Variants in CACNA1D observed in about 807,000 individuals in gnomAD.
The protein encoded by CACNA1D is voltage-dependent L-type calcium channel subunit alpha-1D.
In CACNA1D, 55 loss-of-function variants were observed where a neutral mutation model predicts 257.1. That is an observed-to-expected ratio of 0.21 (90% CI 0.17 to 0.27). CACNA1D has a LOEUF of 0.27. Among genes scored for constraint, CACNA1D ranks in the 10% least tolerant of loss-of-function variants. The pLI is 1.00. For missense variants in CACNA1D, 1,876 were observed against 2,784.0 expected (o/e 0.67, Z 7.34); for synonymous variants, 980 against 1,014.9 (o/e 0.97, Z 0.65).
chr3:53,651,037 T>G, intron 4 of CACNA1D, 119 bp downstream of exon 4: 4 of 888,692 alleles, frequency 4.5e-6, no homozygotes, highest in Middle Eastern at 2.2e-4. Context: ...ATGCCAGCTG[T>G]TGCACCAGAA....
intron 3 of CACNA1D, among the ~76,000 whole-genome samples, chr3:53,563,628 A>T (rs1409496590): frequency 6.6e-6 from 1 of 151,566 alleles, no homozygotes; most frequent in Non-Finnish European, 1.5e-5. Flanking sequence ...TTAATTTTGC[A>T]TATTTTTGAA....
At chr3:53,563,041 T>G (rs968589524) in intron 3 of CACNA1D, among the ~76,000 whole-genome samples, 1 of 152,146 alleles carries the variant, frequency 6.6e-6, no homozygotes, top group Non-Finnish European at 1.5e-5. Flanking sequence ...GAAATAATCT[T>G]TTTGTTTTGT....
chr3:53,664,926 G>A (rs76823338), intron 5 of CACNA1D, among the ~76,000 whole-genome samples: 9 of 152,262 alleles, frequency 5.9e-5, no homozygotes, highest in East Asian at 1.9e-4. Flanking sequence ...AGTTGTTGTC[G>A]GTCAGCAGCT....
intron 40 of CACNA1D, chr3:53,791,140 A>G: frequency 1.5e-6 from 1 of 678,512 alleles, no homozygotes; most frequent in East Asian, 2.7e-5. Flanking sequence ...AAGCAGACCC[A>G]AGGCCCCAGG....
chr3:53,771,128 A>G (rs925478974), intron 32 of CACNA1D, among the ~76,000 whole-genome samples: 4 of 152,070 alleles, frequency 2.6e-5, no homozygotes, highest in African/African-American at 9.7e-5. Context: ...CCCAAGTAGA[A>G]CCAGCTTTTC....
chr3:53,643,623 G>A (rs2093987140), intron 3 of CACNA1D, among the ~76,000 whole-genome samples: 1 of 152,196 alleles, frequency 6.6e-6, no homozygotes, highest in African/African-American at 2.4e-5. Flanking sequence ...TTGCTCACCA[G>A]GTCATAGACA....
chr3:53,751,940 C>G lies in CACNA1D; in HGVS notation c.3675+33C>G, dbSNP rs758105060. The stretch of plus-strand genomic sequence containing the variant: ...TGGAGACAGCCGTGGGGATCAGGTC[C>G]GGGCATTCCGCACAGCCCCGTGCCC... On this transcript the variant is annotated intron_variant, in intron 28 of 47. Transcript: ENST00000350061. The surrounding 1 kb of genome is among the most constrained non-coding windows in gnomAD (Gnocchi z 4.3). 1.9e-6 allele frequency: 3 copies of G among 1,608,896 alleles called. No individual in the cohort carries two copies. In the South Asian group the frequency reaches 3.3e-5, roughly 18 times the overall value.
intron 3 of CACNA1D, among the ~76,000 whole-genome samples, chr3:53,563,017 A>G (rs956808262): frequency 6.6e-5 from 10 of 152,222 alleles, no homozygotes; most frequent in African/African-American, 2.4e-4. Context: ...ATTTGCCTAT[A>G]TTTAAAGATG....
intron 3 of CACNA1D, among the ~76,000 whole-genome samples, chr3:53,625,578 C>T (rs1418688716): frequency 6.6e-6 from 1 of 152,096 alleles, no homozygotes; most frequent in East Asian, 1.9e-4. Context: ...TCTGTACCAC[C>T]CTACAAGCAT....
chr3:53,649,820 G>A (rs1040952441), intron 3 of CACNA1D, among the ~76,000 whole-genome samples: 3 of 152,218 alleles, frequency 2.0e-5, no homozygotes, highest in African/African-American at 7.2e-5. Context: ...GCCGAGGAAT[G>A]CCTCTTGCAA....
At chr3:53,674,698 G>A (rs1003247926) in intron 8 of CACNA1D, among the ~76,000 whole-genome samples, 16 of 152,222 alleles carry the variant, frequency 1.1e-4, no homozygotes, top group African/African-American at 3.9e-4. Flanking sequence ...GGGTGCTACA[G>A]AGAAGGGAGC....
In CACNA1D at chr3:53,796,216, A is replaced by C. The variant is rs544728252; in HGVS notation, c.4924-4033A>C. 3.0e-3 allele frequency: 1,171 copies of C among 394,426 alleles called. 14 individuals are homozygous for C. Among genetic ancestry groups the C allele is most frequent in the South Asian group, 0.02 (1,132 of 55,336 alleles). The allele number at this position is 394,426 out of a possible 1,614,324, so 24.4% of individuals were successfully genotyped here. A position where few individuals can be genotyped will look rare whatever the true frequency, so the allele number is the denominator to read the frequency against. ...GCTAAAGGGTTAACCAGAACTTGTC[A>C]CCAGCGAGACGACTGTGTGCAGGGC... is the stretch of plus-strand genomic sequence containing the variant. On this transcript the variant is annotated intron_variant, in intron 40 of 47. Coordinates refer to ENST00000350061, the MANE Select transcript of CACNA1D (RefSeq NM_001128840.3).
chr3:53,762,471 C>T (rs1310954795), intron 30 of CACNA1D: 2 of 445,314 alleles, frequency 4.5e-6, no homozygotes, highest in Non-Finnish European at 9.0e-6. Flanking sequence ...GAATGTTCCC[C>T]TTTTGTAACA....
intron 40 of CACNA1D, chr3:53,792,453 A>G (rs1482005857): frequency 1.3e-5 from 2 of 152,264 alleles, no homozygotes; most frequent in African/African-American, 4.8e-5. Flanking sequence ...TGAAGTGTAT[A>G]GAGAAAAGAA....
intron 3 of CACNA1D, among the ~76,000 whole-genome samples, chr3:53,503,585 G>A (rs375661677): frequency 6.6e-6 from 1 of 152,204 alleles, no homozygotes; most frequent in South Asian, 2.1e-4. Flanking sequence ...GCATGTGTAA[G>A]CCAATTAATA....
intron 3 of CACNA1D, among the ~76,000 whole-genome samples, chr3:53,606,661 C>T (rs2093514830): frequency 6.6e-6 from 1 of 152,124 alleles, no homozygotes; most frequent in Non-Finnish European, 1.5e-5. Context: ...GGATAGTTAC[C>T]CACTTTATTG....
chr3:53,559,930 C>T (rs1001278869), intron 3 of CACNA1D, among the ~76,000 whole-genome samples: 2 of 149,718 alleles, frequency 1.3e-5, no homozygotes, highest in Non-Finnish European at 3.0e-5. Context: ...ATTCTTCTTT[C>T]TCAGAGTTTT....
intron 1 of CACNA1D, among the ~76,000 whole-genome samples, chr3:53,496,363 G>A (rs2090345833): frequency 1.3e-5 from 2 of 152,216 alleles, no homozygotes; most frequent in Non-Finnish European, 1.5e-5. Context: ...AGGCCTGGAG[G>A]CCCCTGGCAT....
intron 16 of CACNA1D, 132 bp from the exon 17 acceptor site, chr3:53,730,945 C>G (rs2094985504): frequency 1.5e-6 from 1 of 676,462 alleles, no homozygotes; most frequent in Non-Finnish European, 2.6e-6. Flanking sequence ...GTGCTAGGCT[C>G]TTGTGGTTAG....
Sources: allele counts gnomAD v4.1 joint callset (sites outside exome capture counted in the v4.1 genomes callset), GRCh38; gene constraint gnomAD v4.1.1; non-coding constraint Gnocchi (gnomAD v3.1); transcripts MANE v1.5; gene names NCBI Gene and HGNC (gene_info 2026-07-23, HGNC 2026-07-21).